GGNBP2: variants seen among roughly 807,000 people sequenced by gnomAD.
The protein encoded by GGNBP2 is gametogenetin binding protein 2.
Under a neutral mutation model 85.9 loss-of-function variants are expected in GGNBP2, and 10 were observed. The ratio of observed to expected loss-of-function variants is 0.12; its 90% CI spans 0.07 to 0.20. GGNBP2 has a LOEUF of 0.20. Ranked by LOEUF, GGNBP2 falls within the 10% of genes least tolerant of loss-of-function variation. The pLI, the probability that GGNBP2 is intolerant of heterozygous loss-of-function variation, is 1.00. For synonymous variants in GGNBP2, 287 were observed against 285.7 expected (o/e 1.00, Z -0.05); for missense variants, 595 against 857.8 (o/e 0.69, Z 3.83).
In GGNBP2 at chr17:36,585,293, C is replaced by G; in HGVS notation, c.1216-7C>G. 6.2e-7 allele frequency: 1 copy of G among 1,610,148 alleles called. No homozygotes were observed. The highest frequency in any genetic ancestry group is 1.7e-5 in the Admixed American group (1 of 59,200). On this transcript the variant is annotated splice_region_variant and splice_polypyrimidine_tract_variant and intron_variant, in intron 9 of 13. Coordinates refer to ENST00000613102, the MANE Select transcript of GGNBP2 (RefSeq NM_024835.5). ...TCTTGACTCTCTCTTAATGTTGATCCTTAAAGGAAACAGACTTCATAGAAA... is the reference window on the plus strand; with the variant it reads ...TCTTGACTCTCTCTTAATGTTGATCGTTAAAGGAAACAGACTTCATAGAAA...
At chr17:36,576,108 T>TG (rs1201160843) in intron 6 of GGNBP2, among the ~76,000 whole-genome samples, 7 of 140,912 alleles carry the variant, frequency 5.0e-5, no homozygotes, top group Non-Finnish European at 7.6e-5. Context: ...GAGGCTGAGG[T>TG]GGAGGGATCA....
At chr17:36,587,669 AT>A (rs1344525673) in intron 13 of GGNBP2, 6 of 182,864 alleles carry the variant, frequency 3.3e-5, no homozygotes, top group African/African-American at 1.2e-4. Context: ...TGGGTGGATC[AT>A]GAGGTCAAGA....
At chr17:36,575,613 CATATAT>C (rs776677029) in intron 6 of GGNBP2, among the ~76,000 whole-genome samples, 62 of 66,930 alleles carry the variant, frequency 9.3e-4, no homozygotes, top group South Asian at 1.7e-3. Flanking sequence ...TCTAATGTAA[CATATAT>C]ATATATATAT....
chr17:36,569,491 G>A (rs1401301146), intron 6 of GGNBP2, among the ~76,000 whole-genome samples: 1 of 152,182 alleles, frequency 6.6e-6, no homozygotes, highest in Non-Finnish European at 1.5e-5. Flanking sequence ...TACAAGTTGC[G>A]TTTGTGGTTG....
intron 2 of GGNBP2, among the ~76,000 whole-genome samples, chr17:36,552,750 G>A (rs2074322648): frequency 6.6e-6 from 1 of 152,166 alleles, no homozygotes. Context: ...GTCAGGCGTG[G>A]TGACTCACGC....
intron 5 of GGNBP2, among the ~76,000 whole-genome samples, chr17:36,562,953 C>CAAA (rs34799358): frequency 2.5e-4 from 10 of 40,546 alleles, no homozygotes; most frequent in African/African-American, 4.6e-4. Context: ...GACTCTGTCT[C>CAAA]AAAAAAAAAA....
chr17:36,568,225 A>G (rs2074487644), intron 6 of GGNBP2, among the ~76,000 whole-genome samples: 1 of 151,872 alleles, frequency 6.6e-6, no homozygotes, highest in Non-Finnish European at 1.5e-5. Context: ...CGCTTGGCCA[A>G]AGCAGTTGCT....
chr17:36,586,305 T>C, intron 12 of GGNBP2, 107 bp downstream of exon 12: 2 of 1,390,000 alleles, frequency 1.4e-6, no homozygotes, highest in Admixed American at 2.6e-5. Context: ...TTACTTTTTT[T>C]AGAATGAGTT....
chr17:36,571,714 G>A (rs1010017406), intron 6 of GGNBP2, among the ~76,000 whole-genome samples: 1 of 152,086 alleles, frequency 6.6e-6, no homozygotes, highest in Admixed American at 6.6e-5. Flanking sequence ...TTGATGGCGG[G>A]CGCCTGTAGT....
chr17:36,567,584 A>T (rs1187029571), intron 5 of GGNBP2, 79 bp from the exon 6 acceptor site: 5 of 716,526 alleles, frequency 7.0e-6, no homozygotes, highest in Non-Finnish European at 1.2e-5. Flanking sequence ...AACAAGCAAT[A>T]CTTTAATCTG....
intron 4 of GGNBP2, among the ~76,000 whole-genome samples, chr17:36,559,779 G>C (rs183904750): frequency 6.6e-6 from 1 of 152,184 alleles, no homozygotes; most frequent in Admixed American, 6.5e-5. Flanking sequence ...AATGGTAGAG[G>C]TGATAAGAAG....
At position 36,544,994 on chromosome 17, in the gene GGNBP2, C is replaced by T. The variant is rs1217579580; in HGVS notation, c.-210C>T. On this transcript the variant is annotated 5_prime_UTR_variant, in exon 1 of 14. Coordinates refer to ENST00000613102, the MANE Select transcript of GGNBP2 (RefSeq NM_024835.5). Reference sequence around the variant, plus strand: ...GAGCTGCGCTCCCGCCCACGCCGGCCCTGACGCGGGCCTCGTCAGCCAGTA... The same window carrying T: ...GAGCTGCGCTCCCGCCCACGCCGGCTCTGACGCGGGCCTCGTCAGCCAGTA... The T allele has an allele frequency of 6.5e-6, 1 of 152,712 alleles. No individual in the cohort carries two copies. Among genetic ancestry groups the T allele is most frequent in the Non-Finnish European group, 1.5e-5 (1 of 68,102 alleles). 9.5% of individuals were successfully genotyped at this position (152,712 alleles called of 1,614,324 possible). A position where few individuals can be genotyped will look rare whatever the true frequency, so the allele number is the denominator to read the frequency against.
intron 2 of GGNBP2, among the ~76,000 whole-genome samples, chr17:36,548,038 G>A (rs753642392): frequency 3.3e-5 from 5 of 152,228 alleles, no homozygotes; most frequent in Non-Finnish European, 7.3e-5. Context: ...TTTATGCTCT[G>A]CATTGTTCCT....
intron 9 of GGNBP2, among the ~76,000 whole-genome samples, chr17:36,583,235 G>A (rs1446259808): frequency 6.6e-6 from 1 of 151,464 alleles, no homozygotes; most frequent in Non-Finnish European, 1.5e-5. Flanking sequence ...TGTATTTTTA[G>A]TAGAGACAGG....
chr17:36,567,710 A>T lies in GGNBP2; in HGVS notation c.575A>T (p.Asp192Val). 1 of 1,610,270 alleles carries T rather than the reference A, an allele frequency of 6.2e-7. No individual in the cohort carries two copies. Among genetic ancestry groups the T allele is most frequent in the South Asian group, 1.1e-5 (1 of 90,848 alleles). The change falls in exon 6 of 14, where the codon GAT (aspartate) becomes GTT (valine). Residue 192 changes from aspartate to valine, a missense_variant. Asp to Val is a radical substitution (Grantham distance 152). Coordinates refer to ENST00000613102, the MANE Select transcript of GGNBP2 (RefSeq NM_024835.5). ...VWELMSQECR[D>V]EVVLIDSSCL... is the part of the protein sequence containing the mutation. Reference sequence around the variant, plus strand: ...GAACTAATGTCGCAGGAATGCAGGGATGAAGTAGTTTTAATTGACTCGAGT... The same window carrying T: ...GAACTAATGTCGCAGGAATGCAGGGTTGAAGTAGTTTTAATTGACTCGAGT...
rs1270079017 is a variant in GGNBP2, at chr17:36,546,147, G to A, written c.93+330G>A. 6 of 413,740 alleles carry A rather than the reference G, an allele frequency of 1.5e-5. No homozygotes were observed. The South Asian group carries it at 4.6e-4, about 32-fold the overall frequency. The allele number at this position is 413,740 out of a possible 1,614,324, so 25.6% of individuals were successfully genotyped here. ...GGGTTGAAGGATCTTGGGCGTTTAG[G>A]GCCTACCCCATACAGAAACCACCTA... On this transcript the variant is annotated intron_variant, in intron 2 of 13. Transcript: ENST00000613102.
rs2074481984 is a variant in GGNBP2, at chr17:36,567,682, T to C, written c.547T>C (p.Trp183Arg). ...CTACAGAGGTTGTTGGATGGATGTATGGGAACTAATGTCGCAGGAATGCAG... is the reference window on the plus strand; with the variant it reads ...CTACAGAGGTTGTTGGATGGATGTACGGGAACTAATGTCGCAGGAATGCAG... ...KPLGGCWMDV[W>R]ELMSQECRDE... is the part of the protein sequence containing the mutation. Residue 183 changes from tryptophan to arginine, a missense_variant, in exon 6 of 14, where the codon TGG (tryptophan) becomes CGG (arginine). Transcript: ENST00000613102. 6.3e-7 allele frequency: 1 copy of C among 1,594,016 alleles called. No individual in the cohort carries two copies. The highest frequency in any genetic ancestry group is 8.6e-7 in the Non-Finnish European group (1 of 1,162,468).
chr17:36,548,295 A>G (rs1181532997), intron 2 of GGNBP2, among the ~76,000 whole-genome samples: 1 of 152,156 alleles, frequency 6.6e-6, no homozygotes. Context: ...GACTTGTAAA[A>G]TGAAATTAAC....
intron 2 of GGNBP2, among the ~76,000 whole-genome samples, chr17:36,549,739 A>AT (rs1358086209): frequency 6.6e-6 from 1 of 152,118 alleles, no homozygotes; most frequent in Non-Finnish European, 1.5e-5. Context: ...GTTGTATGAC[A>AT]TTCTGTAATT....
Sources: allele counts gnomAD v4.1 joint callset (sites outside exome capture counted in the v4.1 genomes callset), GRCh38; gene constraint gnomAD v4.1.1; transcripts MANE v1.5; gene names NCBI Gene and HGNC (gene_info 2026-07-23, HGNC 2026-07-21).